Variants in NPEPL1 observed in about 807,000 individuals in gnomAD.
The protein encoded by NPEPL1 is probable aminopeptidase NPEPL1.
Under a neutral mutation model 52.4 loss-of-function variants are expected in NPEPL1, and 45 were observed. The observed-to-expected ratio is 0.86, with a 90% CI of 0.68 to 1.10. The LOEUF is 1.10. NPEPL1 is among the 50% of genes least tolerant of loss of function. The pLI is 0.00. For synonymous variants in NPEPL1, 360 were observed against 314.7 expected, an observed-to-expected ratio of 1.14 and a Z score of -1.52; for missense variants, 696 against 710.9, an observed-to-expected ratio of 0.98 and a Z score of 0.24.
intron 6 of NPEPL1, chr20:58,704,525 CAT>C (rs923973276): frequency 7.4e-5 from 24 of 322,522 alleles, no homozygotes; most frequent in African/African-American, 5.4e-4. Context: ...TGCATGTTAT[CAT>C]AAATAATTTT....
chr20:58,698,411 G>A (rs1255489383), intron 3 of NPEPL1, among the ~76,000 whole-genome samples: 1 of 152,176 alleles, frequency 6.6e-6, no homozygotes, highest in Non-Finnish European at 1.5e-5. Context: ...AGATACAGAA[G>A]GGCAGGACCC....
At chr20:58,703,285 A>G (rs914443129) in intron 6 of NPEPL1, among the ~76,000 whole-genome samples, 5 of 152,198 alleles carry the variant, frequency 3.3e-5, no homozygotes, top group African/African-American at 1.2e-4. Context: ...AGCCACAGCA[A>G]TTTTTTAAAC....
intron 11 of NPEPL1, 28 bp from the exon 12 acceptor site, chr20:58,715,140 G>T (rs1239553404): frequency 6.3e-7 from 1 of 1,584,922 alleles, no homozygotes; most frequent in Non-Finnish European, 8.5e-7. Flanking sequence ...CCCACGCCCA[G>T]AGTCTGTGTC....
chr20:58,707,671 C>A (rs2084763475), intron 7 of NPEPL1, among the ~76,000 whole-genome samples: 1 of 143,414 alleles, frequency 7.0e-6, no homozygotes, highest in Non-Finnish European at 1.5e-5. Flanking sequence ...GCAGGTGCCC[C>A]AATGCTTAGC....
chr20:58,698,655 G>C (rs765220709), intron 3 of NPEPL1, 29 bp from the exon 4 acceptor site: 1 of 1,592,634 alleles, frequency 6.3e-7, no homozygotes, highest in Non-Finnish European at 8.6e-7. Flanking sequence ...CTCCCACCTG[G>C]TCCCCAGTGA....
intron 7 of NPEPL1, chr20:58,711,005 C>G (rs7270573): frequency 0.67 from 101,109 of 150,802 alleles, 35,561 homozygotes; most frequent in African/African-American, 0.88. Context: ...CAGCCTTCAG[C>G]GGGTAGCAGC....
chr20:58,691,290 A>G, upstream of NPEPL1: 1 of 657,590 alleles, frequency 1.5e-6, no homozygotes, highest in Non-Finnish European at 2.7e-6. Context: ...GAAGAAAATA[A>G]GATCCAATTA....
At chr20:58,698,655 G>A (rs765220709) in intron 3 of NPEPL1, 29 bp from the exon 4 acceptor site, 10 of 1,592,752 alleles carry the variant, frequency 6.3e-6, no homozygotes, top group South Asian at 3.3e-5. Flanking sequence ...CTCCCACCTG[G>A]TCCCCAGTGA....
rs1405198209 is a variant in NPEPL1, at chr20:58,715,525, G to T, written c.*199G>T. ...ACGGGGAGGGGACCGGGAAGCGCTG[G>T]GGCTTGTTTCTGTTTGTTACTTACA... is the stretch of plus-strand genomic sequence containing the variant. On this transcript the variant is annotated 3_prime_UTR_variant, in exon 12 of 12. Coordinates refer to ENST00000356091, the MANE Select transcript of NPEPL1 (RefSeq NM_024663.4). 1.8e-5 allele frequency: 10 copies of T among 556,126 alleles called. No individual in the cohort carries two copies. The highest frequency in any genetic ancestry group is 2.8e-5 in the Non-Finnish European group (9 of 326,452). The allele number at this position is 556,126 out of a possible 1,614,324, so 34.4% of individuals were successfully genotyped here. A position where few individuals can be genotyped will look rare whatever the true frequency, so the allele number is the denominator to read the frequency against.
At position 58,694,411 on chromosome 20, in the gene NPEPL1, A is replaced by G. The variant is rs377729083; in HGVS notation, c.337-11A>G. 2 of 1,601,648 alleles carry G rather than the reference A, an allele frequency of 1.2e-6. No individual in the cohort carries two copies. The highest frequency in any genetic ancestry group is 1.1e-5 in the South Asian group (1 of 89,474). On this transcript the variant is annotated splice_polypyrimidine_tract_variant and intron_variant, in intron 2 of 11. Transcript: ENST00000356091. Reference sequence around the variant, plus strand: ...CTTGCACCCCTCACGCCGTCTCCCTATGTGCCACAGATGGTCTGCGAGCAG... The same window carrying G: ...CTTGCACCCCTCACGCCGTCTCCCTGTGTGCCACAGATGGTCTGCGAGCAG...
chr20:58,700,223 A>G (rs1008364740), intron 5 of NPEPL1, among the ~76,000 whole-genome samples: 10 of 152,304 alleles, frequency 6.6e-5, no homozygotes, highest in Admixed American at 2.0e-4. Flanking sequence ...ATATCTCATC[A>G]CTTCTACCTT....
intron 6 of NPEPL1, among the ~76,000 whole-genome samples, chr20:58,705,155 A>G (rs182960966): frequency 6.6e-6 from 1 of 152,364 alleles, no homozygotes; most frequent in East Asian, 1.9e-4. Context: ...GCAATAAATA[A>G]TGTCAGCTGT....
rs2084423757 is a variant in NPEPL1 at position 58,694,604 on chromosome 20, G to A, written c.507+12G>A. 1 of 1,607,082 alleles carries A rather than the reference G, an allele frequency of 6.2e-7. No individual in the cohort carries two copies. Among genetic ancestry groups the A allele is most frequent in the African/African-American group, 1.3e-5 (1 of 74,816 alleles). Reference sequence around the variant, plus strand: ...TGTCCACATTGCAGGTGGGTGTCTGGAAGGGCAGACACTGCCCCTGGGCCC... The same window carrying A: ...TGTCCACATTGCAGGTGGGTGTCTGAAAGGGCAGACACTGCCCCTGGGCCC... On this transcript the variant is annotated intron_variant, in intron 3 of 11. Transcript: ENST00000356091.
Position 58,714,063 on chromosome 20 carries a change from A to C in NPEPL1, c.1272A>C (p.Ser424=). ...CPELHFSEFT[S]AVADMKNSVA... ...AGCTGCACTTCAGCGAGTTCACCTC[A>C]GCTGTGGCGGACATGAAGAACTCAG... Residue 424 remains serine (S), a synonymous_variant, in exon 10 of 12, where the codon TCA becomes TCC. Coordinates refer to ENST00000356091, the MANE Select transcript of NPEPL1 (RefSeq NM_024663.4). 6.5e-7 allele frequency: 1 copy of C among 1,547,742 alleles called. No individual in the cohort carries two copies. Among genetic ancestry groups the C allele is most frequent in the Non-Finnish European group, 8.7e-7 (1 of 1,147,660 alleles).
chr20:58,710,280 C>T (rs904013128), intron 7 of NPEPL1, among the ~76,000 whole-genome samples: 1 of 152,152 alleles, frequency 6.6e-6, no homozygotes, highest in Non-Finnish European at 1.5e-5. Flanking sequence ...AGTGATCCGC[C>T]CACCTCAGCC....
chr20:58,701,349 CCGGCAGGCTCTCCAGGGTGCCCTGGGGG>C (rs1300171745), intron 6 of NPEPL1, among the ~76,000 whole-genome samples, 191 bp downstream of exon 6: 2 of 98,002 alleles, frequency 2.0e-5, no homozygotes, highest in Non-Finnish European at 4.1e-5. Context: ...AGGTGAGGTG[CCGGCAGGCTCTCCAGGGTGCCCTGGGGG>C]GGGGGGAGGG....
In NPEPL1 at chr20:58,715,281, G is replaced by A. The variant is rs776579921; in HGVS notation, c.1527G>A (p.Glu509=). Reference sequence around the variant, plus strand: ...CACTGGGCTGTGAGGTGGATGTCGAGGAGGGGGACCTGGGGAGGGACTCCA... The same window carrying A: ...CACTGGGCTGTGAGGTGGATGTCGAAGAGGGGGACCTGGGGAGGGACTCCA... The part of the protein sequence containing the change: ...VSPLGCEVDV[E]EGDLGRDSKR... Residue 509 remains glutamate (E), a synonymous_variant, in exon 12 of 12, where the codon GAG becomes GAA. Coordinates refer to ENST00000356091, the MANE Select transcript of NPEPL1 (RefSeq NM_024663.4). The A allele has an allele frequency of 3.1e-6, 5 of 1,611,586 alleles. No homozygotes were observed. In the East Asian group the frequency reaches 1.1e-4, roughly 36 times the overall value.
chr20:58,714,168 CTGGT>C, intron 10 of NPEPL1, 75 bp downstream of exon 10: 2 of 1,479,934 alleles, frequency 1.4e-6, no homozygotes, highest in Non-Finnish European at 1.8e-6. Context: ...CTTCAGGGTG[CTGGT>C]GCACCCAGGG....
rs1021628267 is a variant in NPEPL1, at chr20:58,713,628, G to A, written c.1125+85G>A. 3.0e-5 allele frequency: 43 copies of A among 1,439,386 alleles called. No homozygotes were observed. The highest frequency in any genetic ancestry group is 1.7e-4 in the African/African-American group (12 of 70,070). 89.2% of individuals were successfully genotyped at this position (1,439,386 alleles called of 1,614,324 possible). ...GACCTCAAGGTGGGGAAGGCAGCGC[G>A]TGGGGGCTGCCGTCAGGAAGTTTTC... On this transcript the variant is annotated intron_variant, in intron 9 of 11. Coordinates refer to ENST00000356091, the MANE Select transcript of NPEPL1 (RefSeq NM_024663.4). The surrounding 1 kb of genome is among the most constrained non-coding windows in gnomAD (Gnocchi z 4.6).
Sources: allele counts gnomAD v4.1 joint callset (sites outside exome capture counted in the v4.1 genomes callset), GRCh38; gene constraint gnomAD v4.1.1; non-coding constraint Gnocchi (gnomAD v3.1); transcripts MANE v1.5; gene names NCBI Gene and HGNC (gene_info 2026-07-23, HGNC 2026-07-21).